Variants in EPHB2 observed in about 807,000 individuals in gnomAD.
EPHB2 encodes EPH receptor B2.
Under a neutral mutation model 96.4 loss-of-function variants are expected in EPHB2, and 18 were observed. The ratio of observed to expected loss-of-function variants is 0.19; its 90% CI spans 0.13 to 0.28. The LOEUF is 0.28. Among genes scored for constraint, EPHB2 ranks in the 10% least tolerant of loss-of-function variants. EPHB2 has a pLI of 1.00. For missense variants in EPHB2, 989 were observed against 1,355.4 expected, an observed-to-expected ratio of 0.73 and a Z score of 4.25; for synonymous variants, 506 against 534.1, an observed-to-expected ratio of 0.95 and a Z score of 0.72.
chr1:22,780,414 C>T (rs1354105423), intron 1 of EPHB2, among the ~76,000 whole-genome samples: 2 of 152,142 alleles, frequency 1.3e-5, no homozygotes, highest in Admixed American at 1.3e-4. Flanking sequence ...TGCTTGCTCT[C>T]AACACTTCTC....
In EPHB2 at chr1:22,858,122, G is replaced by A. The variant is rs981655177; in HGVS notation, c.812-4915G>A. Among the ~76,000 whole-genome samples the A allele has an allele frequency of 2.6e-5, 4 of 152,128 alleles. No individual in the cohort carries two copies. Among genetic ancestry groups the A allele is most frequent in the African/African-American group, 4.8e-5 (2 of 41,436 alleles). On this transcript the variant is annotated intron_variant, in intron 3 of 15. Transcript: ENST00000374630. The surrounding 1 kb of genome is among the most constrained non-coding windows in gnomAD (Gnocchi z 7.7). ...GTCTGAAGGAGGAAAAGGAGCCAGC[G>A]ACGGGAAGAGCAGGGAAAGCCTTCC...
chr1:22,905,674 A>T (rs1639888540), intron 9 of EPHB2, among the ~76,000 whole-genome samples: 1 of 152,158 alleles, frequency 6.6e-6, no homozygotes. Context: ...GCCCATGCCC[A>T]TACCAGACAT....
chr1:22,876,469 C>T (rs1367971791), intron 5 of EPHB2, among the ~76,000 whole-genome samples: 1 of 152,110 alleles, frequency 6.6e-6, no homozygotes, highest in Non-Finnish European at 1.5e-5. Flanking sequence ...GGGCTGAACT[C>T]CCCTCTGGGG....
intron 12 of EPHB2, 24 bp downstream of exon 12, chr1:22,908,192 G>T (rs372324234): frequency 6.2e-7 from 1 of 1,613,468 alleles, no homozygotes; most frequent in Admixed American, 1.7e-5. Flanking sequence ...AGGGAACACC[G>T]GAGTCACAGA....
At position 22,733,898 on chromosome 1, in the gene EPHB2, C is replaced by T. The variant is rs974412402; in HGVS notation, c.61+22855C>T. Among the ~76,000 whole-genome samples the T allele has an allele frequency of 2.6e-5, 4 of 151,998 alleles. No homozygotes were observed. The highest frequency in any genetic ancestry group is 6.5e-5 in the Admixed American group (1 of 15,282). ...TTGACCTGGTATGATTTGGTGGGGA[C>T]GGAGCTAGAAGTTGAACCTGGGACT... is the stretch of plus-strand genomic sequence containing the variant. On this transcript the variant is annotated intron_variant, in intron 1 of 15. Transcript: ENST00000374630. The surrounding 1 kb of genome is among the most constrained non-coding windows in gnomAD (Gnocchi z 4.6).
Position 22,921,182 on chromosome 1 carries a change from T to C in EPHB2, c.*7612T>C, listed in dbSNP as rs1373215403. 1.3e-5 allele frequency: 2 copies of C among 152,214 alleles called. No individual in the cohort carries two copies. The highest frequency in any genetic ancestry group is 2.4e-5 in the African/African-American group (1 of 41,436). The allele number at this position is 152,214 out of a possible 1,614,324, so 9.4% of individuals were successfully genotyped here. On this transcript the variant is annotated 3_prime_UTR_variant, in exon 16 of 16. Transcript: ENST00000374630. ...AGTGTGCACACTCCTTCTCCTGAAGTGTCTGCCCCAGCCTGAGCTATGCAG... is the reference window on the plus strand; with the variant it reads ...AGTGTGCACACTCCTTCTCCTGAAGCGTCTGCCCCAGCCTGAGCTATGCAG...
intron 1 of EPHB2, among the ~76,000 whole-genome samples, chr1:22,741,689 C>CAAAAAAAAA (rs1553160119): frequency 7.9e-6 from 1 of 126,562 alleles, no homozygotes; most frequent in Non-Finnish European, 1.6e-5. Flanking sequence ...CAAAAAAAAA[C>CAAAAAAAAA]AAAAAAACAA....
chr1:22,911,182 T>TAAATAAATAAA (rs1322763874), intron 14 of EPHB2, among the ~76,000 whole-genome samples: 1,347 of 84,584 alleles, frequency 0.016, 22 homozygotes, highest in African/African-American at 0.042. Flanking sequence ...AAATAAATAA[T>TAAATAAATAAA]TACCAAAGGA....
intron 1 of EPHB2, among the ~76,000 whole-genome samples, chr1:22,714,162 A>T (rs1643233496): frequency 6.6e-6 from 1 of 152,140 alleles, no homozygotes; most frequent in Admixed American, 6.5e-5. Flanking sequence ...GCTGACAGGG[A>T]AAAGAGTGGG....
At chr1:22,836,443 G>A (rs1645386435) in intron 3 of EPHB2, among the ~76,000 whole-genome samples, 1 of 152,234 alleles carries the variant, frequency 6.6e-6, no homozygotes, top group Admixed American at 6.5e-5. Context: ...CATGTATTTT[G>A]GTACATTGAT....
chr1:22,831,759 G>C (rs1645307246), intron 3 of EPHB2, among the ~76,000 whole-genome samples: 1 of 152,126 alleles, frequency 6.6e-6, no homozygotes, highest in African/African-American at 2.4e-5. Flanking sequence ...GCTGACCTGG[G>C]CTTCCTCAGA....
intron 1 of EPHB2, among the ~76,000 whole-genome samples, chr1:22,735,058 G>A (rs6687487): frequency 0.086 from 13,049 of 152,178 alleles, 872 homozygotes; most frequent in East Asian, 0.28. Flanking sequence ...GCAGGGCTAT[G>A]AACCTGCTCT....
Position 22,860,944 on chromosome 1 carries a change from G to A in EPHB2, c.812-2093G>A, listed in dbSNP as rs906167131. ...AGGAAGGCGAGAGGGAGGGCAGGAC[G>A]ACTCAGGGGACCCAGACCCAGTGCA... On this transcript the variant is annotated intron_variant, in intron 3 of 15. Transcript: ENST00000374630. The surrounding 1 kb of genome is among the most constrained non-coding windows in gnomAD (Gnocchi z 4.6). 1.3e-5 allele frequency among the ~76,000 whole-genome samples: 2 copies of A among 152,104 alleles called. No individual in the cohort carries two copies. Among genetic ancestry groups the A allele is most frequent in the Non-Finnish European group, 2.9e-5 (2 of 68,016 alleles).
intron 1 of EPHB2, among the ~76,000 whole-genome samples, chr1:22,736,492 G>A (rs960510063): frequency 5.9e-5 from 9 of 152,166 alleles, no homozygotes; most frequent in South Asian, 4.1e-4. Flanking sequence ...CCACAGACCC[G>A]CCTCAGTCAC....
chr1:22,718,379 CTTTTTTTTTTTT>C (rs5773014), intron 1 of EPHB2, among the ~76,000 whole-genome samples: 1 of 81,492 alleles, frequency 1.2e-5, no homozygotes. Flanking sequence ...GCTGTCAATT[CTTTTTTTTTTTT>C]TTTTTTTTTT....
chr1:22,750,779 T>A (rs770443708), intron 1 of EPHB2, among the ~76,000 whole-genome samples: 2 of 152,228 alleles, frequency 1.3e-5, no homozygotes, highest in Admixed American at 6.5e-5. Flanking sequence ...ATTACAAATA[T>A]TTCATCCCCA....
intron 1 of EPHB2, among the ~76,000 whole-genome samples, chr1:22,712,507 C>A (rs530957890): frequency 1.3e-5 from 2 of 152,218 alleles, no homozygotes; most frequent in South Asian, 4.1e-4. Flanking sequence ...CTGGGAAAGG[C>A]GTCGTGGGGG....
At chr1:22,822,205 G>A (rs4654818) in intron 3 of EPHB2, among the ~76,000 whole-genome samples, 34,636 of 152,008 alleles carry the variant, frequency 0.23, 4,078 homozygotes, top group South Asian at 0.33. Flanking sequence ...GGGATGAGCC[G>A]GGCTCAGTGG....
At position 22,914,242 on chromosome 1, in the gene EPHB2, CT is replaced by C. The variant is rs1292352720; in HGVS notation, c.*673del. 5.1e-6 allele frequency: 1 copy of C among 195,160 alleles called. No individual in the cohort carries two copies. The highest frequency in any genetic ancestry group is 2.4e-5 in the African/African-American group (1 of 42,330). The allele number at this position is 195,160 out of a possible 1,614,324, so 12.1% of individuals were successfully genotyped here. On this transcript the variant is annotated 3_prime_UTR_variant, in exon 16 of 16. Coordinates refer to ENST00000374630, the MANE Select transcript of EPHB2 (RefSeq NM_017449.5). The stretch of plus-strand genomic sequence containing the variant: ...AGGGCTGAAAGGGGCTTTTGTCCTC[CT>C]GGGTCAGGGAGAACGCGGGGACCCC...
Sources: allele counts gnomAD v4.1 joint callset (sites outside exome capture counted in the v4.1 genomes callset), GRCh38; gene constraint gnomAD v4.1.1; non-coding constraint Gnocchi (gnomAD v3.1); transcripts MANE v1.5; gene names NCBI Gene and HGNC (gene_info 2026-07-23, HGNC 2026-07-21).